SLC2A13: variants seen among roughly 807,000 people sequenced by gnomAD.
The protein encoded by SLC2A13 is solute carrier family 2 member 13.
SLC2A13 carries 32 observed loss-of-function variants against 64.4 expected under a neutral mutation model. That is an observed-to-expected ratio of 0.50 (90% CI 0.37 to 0.67). The LOEUF (loss-of-function observed/expected upper bound fraction) is 0.67. SLC2A13 is among the 30% of genes least tolerant of loss of function. The probability of loss-of-function intolerance (pLI) is 0.00; values close to 1 mark genes in which losing one functional copy is unlikely to be tolerated. For synonymous variants in SLC2A13, 338 were observed against 327.1 expected (o/e 1.03, Z -0.36); for missense variants, 743 against 829.2 (o/e 0.90, Z 1.28).
chr12:39,986,940 G>C (rs1488042763), intron 3 of SLC2A13, among the ~76,000 whole-genome samples: 1 of 152,126 alleles, frequency 6.6e-6, no homozygotes, highest in East Asian at 1.9e-4. Context: ...TTATTTCCTA[G>C]AGACACAAGG....
chr12:39,848,810 G>A lies in SLC2A13; in HGVS notation c.1319+15952C>T, dbSNP rs537639315. Among the ~76,000 whole-genome samples, 19 of 152,218 alleles carry A rather than the reference G, an allele frequency of 1.2e-4. No homozygotes were observed. The East Asian group carries it at 3.1e-3, about 25-fold the overall frequency. Reference sequence around the variant, plus strand: ...TGAAAGACTGGATAAAGAAAATGTGGTACATATACACCAGGGAATATTATG... The same window carrying A: ...TGAAAGACTGGATAAAGAAAATGTGATACATATACACCAGGGAATATTATG... On this transcript the variant is annotated intron_variant, in intron 6 of 9. Transcript: ENST00000280871.
At chr12:39,967,446 C>T (rs1946539981) in intron 3 of SLC2A13, among the ~76,000 whole-genome samples, 1 of 152,130 alleles carries the variant, frequency 6.6e-6, no homozygotes, top group Non-Finnish European at 1.5e-5. Flanking sequence ...TCTCTTAAGA[C>T]ACCAAGATTC....
intron 3 of SLC2A13, among the ~76,000 whole-genome samples, chr12:39,981,087 C>T (rs1382176287): frequency 4.6e-5 from 7 of 151,522 alleles, no homozygotes; most frequent in South Asian, 4.2e-4. Context: ...GGGTACATAA[C>T]GAAATGAAGG....
intron 7 of SLC2A13, chr12:39,829,781 C>T (rs900589910): frequency 3.4e-5 from 10 of 291,504 alleles, no homozygotes; most frequent in Non-Finnish European, 5.3e-5. Context: ...TTTGGAAATA[C>T]AGTGCAATTA....
chr12:39,896,485 TATATGTAC>T (rs1944901588), intron 4 of SLC2A13, among the ~76,000 whole-genome samples: 1 of 148,160 alleles, frequency 6.7e-6, no homozygotes, highest in Non-Finnish European at 1.5e-5. Context: ...TATATGTGTA[TATATGTAC>T]ACATATATGT....
At chr12:39,783,935 A>G (rs1941090614) in intron 7 of SLC2A13, among the ~76,000 whole-genome samples, 2 of 152,204 alleles carry the variant, frequency 1.3e-5, no homozygotes, top group Admixed American at 1.3e-4. Flanking sequence ...CAAATAACAG[A>G]CAAACAGAGA....
chr12:40,076,690 A>C (rs1170590372), intron 1 of SLC2A13, among the ~76,000 whole-genome samples: 1 of 152,174 alleles, frequency 6.6e-6, no homozygotes, highest in Non-Finnish European at 1.5e-5. Flanking sequence ...TGCTGGATCG[A>C]ATGGTAGTTC....
At position 39,764,844 on chromosome 12, in the gene SLC2A13, G is replaced by A; in HGVS notation, c.1460C>T (p.Thr487Ile). The A allele has an allele frequency of 6.2e-7, 1 of 1,611,876 alleles. No homozygotes were observed. Among genetic ancestry groups the A allele is most frequent in the Non-Finnish European group, 8.5e-7 (1 of 1,178,898 alleles). Residue 487 changes from threonine (T) to isoleucine (I), a missense_variant, in exon 8 of 10, where the codon ACC becomes ATC. Physicochemically the swap from Thr to Ile is moderately conservative, Grantham distance 89. Transcript: ENST00000280871. The part of the protein sequence containing the change: ...EAAWGRCENE[T>I]KFKTEDIFWA... The stretch of plus-strand genomic sequence containing the variant: ...AAATATATCTTCTGTTTTGAACTTG[G>A]TTTCATTTTCACACCTGAAAAATAA...
At chr12:40,054,102 A>T (rs925946881) in intron 1 of SLC2A13, among the ~76,000 whole-genome samples, 2 of 152,186 alleles carry the variant, frequency 1.3e-5, no homozygotes, top group African/African-American at 4.8e-5. Flanking sequence ...AGCCACAGAA[A>T]TATTCAAATA....
At chr12:39,797,905 C>T (rs138300657) in intron 7 of SLC2A13, among the ~76,000 whole-genome samples, 203 of 151,852 alleles carry the variant, frequency 1.3e-3, no homozygotes, top group Non-Finnish European at 2.5e-3. Flanking sequence ...GGGAGTCAGC[C>T]TCCAGAATAT....
intron 7 of SLC2A13, among the ~76,000 whole-genome samples, chr12:39,814,057 G>A (rs903067166): frequency 5.3e-5 from 8 of 152,244 alleles, no homozygotes; most frequent in East Asian, 1.9e-4. Context: ...CTTTCAAGAC[G>A]AGGAAAACTG....
At chr12:40,097,233 A>C (rs1187489112) in intron 1 of SLC2A13, among the ~76,000 whole-genome samples, 2 of 152,184 alleles carry the variant, frequency 1.3e-5, no homozygotes, top group African/African-American at 2.4e-5. Flanking sequence ...TTTCACAAAG[A>C]ATGTATTCTA....
intron 6 of SLC2A13, among the ~76,000 whole-genome samples, chr12:39,834,295 G>A (rs896778441): frequency 1.3e-5 from 2 of 151,866 alleles, no homozygotes; most frequent in Non-Finnish European, 2.9e-5. Flanking sequence ...AAGGGACTAG[G>A]CATGAATTTT....
At chr12:40,067,567 T>G (rs1937782559) in intron 1 of SLC2A13, among the ~76,000 whole-genome samples, 1 of 152,184 alleles carries the variant, frequency 6.6e-6, no homozygotes, top group African/African-American at 2.4e-5. Context: ...ACAGACATGC[T>G]AATTCTATGC....
Position 40,059,327 on chromosome 12 carries a change from A to G in SLC2A13, c.557-11117T>C, listed in dbSNP as rs1286765810. On this transcript the variant is annotated intron_variant, in intron 1 of 9. Coordinates refer to ENST00000280871, the MANE Select transcript of SLC2A13 (RefSeq NM_052885.4). ...AGAGGAGACAGAGGAAGTAGATGGA[A>G]AACTGGATGACAGATAGATAAGATA... is the stretch of plus-strand genomic sequence containing the variant. Among the ~76,000 whole-genome samples, 3 of 152,338 alleles carry G rather than the reference A, an allele frequency of 2.0e-5. No homozygotes were observed. In the East Asian group the frequency reaches 5.8e-4, roughly 29 times the overall value.
chr12:39,757,454 T>A lies in SLC2A13; in HGVS notation c.*2572A>T, dbSNP rs1939999386. On this transcript the variant is annotated 3_prime_UTR_variant, in exon 10 of 10. Coordinates refer to ENST00000280871, the MANE Select transcript of SLC2A13 (RefSeq NM_052885.4). ...CCTAATATAAAAAAACCTGCAAAAT[T>A]TAAACATTTAATTTTTAATATACTA... The A allele has an allele frequency of 6.6e-6, 1 of 151,594 alleles. No individual in the cohort carries two copies. Among genetic ancestry groups the A allele is most frequent in the Non-Finnish European group, 1.5e-5 (1 of 67,660 alleles). The allele number at this position is 151,594 out of a possible 1,614,324, so 9.4% of individuals were successfully genotyped here. A position where few individuals can be genotyped will look rare whatever the true frequency, so the allele number is the denominator to read the frequency against.
At chr12:40,051,524 T>C (rs1420228583) in intron 1 of SLC2A13, among the ~76,000 whole-genome samples, 1 of 152,034 alleles carries the variant, frequency 6.6e-6, no homozygotes, top group African/African-American at 2.4e-5. Context: ...TCGAGTGGGA[T>C]GGGTATTGCC....
intron 7 of SLC2A13, among the ~76,000 whole-genome samples, chr12:39,794,895 C>T (rs1290745356): frequency 6.6e-6 from 1 of 152,182 alleles, no homozygotes; most frequent in Admixed American, 6.6e-5. Context: ...AATGAGCTGT[C>T]AGTCTAATTG....
At chr12:39,950,341 ATAGGCAGGGAGTG>A (rs1047952673) in intron 4 of SLC2A13, 2 of 152,170 alleles carry the variant, frequency 1.3e-5, no homozygotes, top group Non-Finnish European at 2.9e-5. Context: ...AATTCAATCA[ATAGGCAGGGAGTG>A]GGGAGGACTT....
Sources: allele counts gnomAD v4.1 joint callset (sites outside exome capture counted in the v4.1 genomes callset), GRCh38; gene constraint gnomAD v4.1.1; transcripts MANE v1.5; gene names NCBI Gene and HGNC (gene_info 2026-07-23, HGNC 2026-07-21).